Variants in CD109 observed in about 807,000 individuals in gnomAD.
CD109 encodes the protein CD109 molecule.
A neutral mutation model predicts 165.8 loss-of-function variants in CD109; 149 were observed. The observed-to-expected ratio is 0.90, with a 90% CI of 0.79 to 1.03. The LOEUF is 1.03. Ranked by LOEUF, CD109 falls within the 50% of genes least tolerant of loss-of-function variation. The pLI is 0.00. For synonymous variants in CD109, 585 were observed against 592.1 expected (o/e 0.99, Z 0.18); for missense variants, 1,712 against 1,677.8 (o/e 1.02, Z -0.36).
intron 17 of CD109, among the ~76,000 whole-genome samples, chr6:73,781,835 A>ACACACACACAGACACACACACACAC (rs150665697): frequency 6.9e-6 from 1 of 144,328 alleles, no homozygotes. Context: ...ACACACACAC[A>ACACACACACAGACACACACACACAC]CCCCTCATCA....
intron 18 of CD109, 149 bp from the exon 19 acceptor site, chr6:73,783,558 C>G: frequency 1.6e-6 from 1 of 613,112 alleles, no homozygotes; most frequent in Non-Finnish European, 2.9e-6. Context: ...CTGTTTTATA[C>G]TTAAACCTTT....
intron 7 of CD109, among the ~76,000 whole-genome samples, chr6:73,761,535 T>C (rs756283215): frequency 7.9e-5 from 12 of 152,232 alleles, no homozygotes; most frequent in Admixed American, 2.0e-4. Flanking sequence ...TATTTATTTA[T>C]TTTTTGAGTT....
chr6:73,821,664 T>C (rs1248493885), intron 32 of CD109, among the ~76,000 whole-genome samples: 1 of 152,054 alleles, frequency 6.6e-6, no homozygotes, highest in Non-Finnish European at 1.5e-5. Flanking sequence ...AAGTGGGAGC[T>C]GAACATTGGG....
upstream of CD109, chr6:73,696,089 G>T (rs2150140782): frequency 2.3e-6 from 2 of 854,546 alleles, no homozygotes; most frequent in African/African-American, 3.5e-5. Context: ...TGTTAGGCGC[G>T]CCCATTTCAG....
At chr6:73,779,969 CT>C (rs1774416145) in intron 15 of CD109, among the ~76,000 whole-genome samples, 1 of 149,812 alleles carries the variant, frequency 6.7e-6, no homozygotes, top group South Asian at 2.1e-4. Flanking sequence ...GAATATTTTT[CT>C]GCTTATTAAT....
chr6:73,739,789 A>G (rs559898716), intron 5 of CD109, among the ~76,000 whole-genome samples: 1 of 152,160 alleles, frequency 6.6e-6, no homozygotes, highest in Non-Finnish European at 1.5e-5. Context: ...CGGAGCTTGC[A>G]GTGAGCCAAG....
chr6:73,827,353 G>A lies in CD109; in HGVS notation c.*3720G>A, dbSNP rs187947326. Reference sequence around the variant, plus strand: ...GAGTTTCAGAACCTTTTACGTTCTCGGTAGAGGCTTCTGTCGGACAGGCAG... The same window carrying A: ...GAGTTTCAGAACCTTTTACGTTCTCAGTAGAGGCTTCTGTCGGACAGGCAG... On this transcript the variant is annotated 3_prime_UTR_variant, in exon 33 of 33. Coordinates refer to ENST00000287097, the MANE Select transcript of CD109 (RefSeq NM_133493.5). 4.2e-4 allele frequency: 64 copies of A among 151,822 alleles called. No individual in the cohort carries two copies. The highest frequency in any genetic ancestry group is 1.2e-3 in the African/African-American group (50 of 41,444). 9.4% of individuals were successfully genotyped at this position (151,822 alleles called of 1,614,324 possible). A position where few individuals can be genotyped will look rare whatever the true frequency, so the allele number is the denominator to read the frequency against.
chr6:73,691,698 G>A (rs1770695426), upstream of CD109, among the ~76,000 whole-genome samples: 2 of 152,072 alleles, frequency 1.3e-5, no homozygotes, highest in Non-Finnish European at 2.9e-5. Context: ...GTTATGTTAT[G>A]CTGCACACCA....
intron 2 of CD109, among the ~76,000 whole-genome samples, chr6:73,704,100 G>A (rs189184709): frequency 6.0e-4 from 90 of 150,828 alleles, no homozygotes; most frequent in African/African-American, 2.1e-3. Flanking sequence ...CAGGAGAATC[G>A]CTTGAACCCA....
chr6:73,822,739 A>C (rs913179049), intron 32 of CD109, among the ~76,000 whole-genome samples: 1 of 152,226 alleles, frequency 6.6e-6, no homozygotes, highest in Non-Finnish European at 1.5e-5. Context: ...TAAAATGAAA[A>C]TATGGGAAAG....
At chr6:73,762,150 A>T (rs1338599703) in intron 7 of CD109, among the ~76,000 whole-genome samples, 1 of 151,566 alleles carries the variant, frequency 6.6e-6, no homozygotes, top group Non-Finnish European at 1.5e-5. Flanking sequence ...TTTAGTAGAG[A>T]CAGGGTTTCA....
chr6:73,727,013 G>T (rs1230943608), intron 3 of CD109, among the ~76,000 whole-genome samples: 1 of 151,952 alleles, frequency 6.6e-6, no homozygotes, highest in Non-Finnish European at 1.5e-5. Context: ...CACCAATTTC[G>T]GGAACCTTTT....
chr6:73,723,249 A>T lies in CD109; in HGVS notation c.248-2A>T. ...CTGTTTTCTTTCCTGTTTTCCTTGTAGGCTCTTTTAAGACACTTACTCTTC... is the reference window on the plus strand; with the variant it reads ...CTGTTTTCTTTCCTGTTTTCCTTGTTGGCTCTTTTAAGACACTTACTCTTC... On this transcript the variant is annotated splice_acceptor_variant, in intron 2 of 32. Coordinates refer to ENST00000287097, the MANE Select transcript of CD109 (RefSeq NM_133493.5). LOFTEE classifies it high-confidence loss of function. The T allele has an allele frequency of 6.2e-7, 1 of 1,612,764 alleles. No individual in the cohort carries two copies. Among genetic ancestry groups the T allele is most frequent in the Non-Finnish European group, 8.5e-7 (1 of 1,179,640 alleles).
At position 73,703,529 on chromosome 6, in the gene CD109, T is replaced by G. The variant is rs191637432; in HGVS notation, c.247+5957T>G. ...ATTGGTGGCAGAGCTGGAAACAGAT[T>G]GCAGTTTCCCAAATTTGCAGTCCAG... On this transcript the variant is annotated intron_variant, in intron 2 of 32. Transcript: ENST00000287097. Among the ~76,000 whole-genome samples, 20 of 152,324 alleles carry G rather than the reference T, an allele frequency of 1.3e-4. No individual in the cohort carries two copies. In the East Asian group the frequency reaches 3.9e-3, roughly 29 times the overall value.
Position 73,820,412 on chromosome 6 carries a change from A to G in CD109, c.4060-49A>G, listed in dbSNP as rs553996048. 4.1e-6 allele frequency: 4 copies of G among 985,806 alleles called. No homozygotes were observed. In the African/African-American group the frequency reaches 6.5e-5, roughly 16 times the overall value. 61.1% of individuals were successfully genotyped at this position (985,806 alleles called of 1,614,324 possible). ...AAAAAAGAAATGTCTTTACTTAATC[A>G]TGAACACACAGTGTGCCAACCCCTT... On this transcript the variant is annotated intron_variant, in intron 31 of 32. Transcript: ENST00000287097.
chr6:73,685,620 A>C, the CD109 span, among the ~76,000 whole-genome samples: 1 of 152,096 alleles, frequency 6.6e-6, no homozygotes, highest in African/African-American at 2.4e-5. Context: ...TAAGTTCTTT[A>C]GTGGTGATAA....
chr6:73,690,691 T>C, the CD109 span, among the ~76,000 whole-genome samples: 209 of 152,340 alleles, frequency 1.4e-3, 1 homozygote, highest in Middle Eastern at 0.017. Flanking sequence ...TGAGCCACCG[T>C]GCCCGGCTGC....
chr6:73,709,224 G>T (rs1263435273), intron 2 of CD109, among the ~76,000 whole-genome samples: 1 of 152,100 alleles, frequency 6.6e-6, no homozygotes, highest in African/African-American at 2.4e-5. Context: ...CATATGGCTA[G>T]CCAGTTTTCC....
intron 2 of CD109, among the ~76,000 whole-genome samples, chr6:73,720,294 T>C (rs969468682): frequency 6.6e-6 from 1 of 152,106 alleles, no homozygotes; most frequent in Non-Finnish European, 1.5e-5. Context: ...ATCTCACTTA[T>C]ATGTGGAAGG....
Sources: gnomAD v4.1 joint callset for allele counts (sites outside exome capture counted in the v4.1 genomes callset) on GRCh38, gnomAD v4.1.1 for gene constraint, MANE v1.5 for transcripts, NCBI Gene and HGNC (gene_info 2026-07-23, HGNC 2026-07-21) for gene names.